The following KLF11 variants were observed in gnomAD, a reference collection of about 807,000 sequenced individuals.
KLF11 encodes Krueppel-like factor 11.
A neutral mutation model predicts 29.9 loss-of-function variants in KLF11; 26 were observed. The ratio of observed to expected loss-of-function variants is 0.87; its 90% CI spans 0.64 to 1.21. KLF11 has a LOEUF of 1.21. Among genes scored for constraint, KLF11 ranks in the 50% most tolerant of loss-of-function variants. KLF11 has a pLI of 0.00. For missense variants in KLF11, 778 were observed against 665.7 expected (o/e 1.17, Z -1.86); for synonymous variants, 318 against 257.4 (o/e 1.24, Z -2.25).
Position 10,043,661 on chromosome 2 carries a change from G to C in KLF11, c.-56G>C, listed in dbSNP as rs933520224. Reference sequence around the variant, plus strand: ...CGCCCGCAGCCCACGTGCGGCCGCTGCTGCGCCCGAGCTCACGCCCCGCGG... The same window carrying C: ...CGCCCGCAGCCCACGTGCGGCCGCTCCTGCGCCCGAGCTCACGCCCCGCGG... On this transcript the variant is annotated 5_prime_UTR_variant, in exon 1 of 4. Coordinates refer to ENST00000305883, the MANE Select transcript of KLF11 (RefSeq NM_003597.5). 13 of 1,223,564 alleles carry C rather than the reference G, an allele frequency of 1.1e-5. No homozygotes were observed. Among genetic ancestry groups the C allele is most frequent in the Non-Finnish European group, 1.4e-5 (13 of 959,634 alleles). 75.8% of individuals were successfully genotyped at this position (1,223,564 alleles called of 1,614,324 possible).
rs1252221830 is a variant in KLF11 at position 10,043,707 on chromosome 2, G to T, written c.-10G>T. On this transcript the variant is annotated 5_prime_UTR_variant, in exon 1 of 4. Transcript: ENST00000305883. ...CGCGGCCGCTTTGTTGCTCCCGGCC[G>T]GCCTGCACGATGCACACGCCGGACT... 7 of 1,340,936 alleles carry T rather than the reference G, an allele frequency of 5.2e-6. No homozygotes were observed. In the African/African-American group the frequency reaches 1.1e-4, roughly 21 times the overall value. The allele number at this position is 1,340,936 out of a possible 1,614,324, so 83.1% of individuals were successfully genotyped here. A position where few individuals can be genotyped will look rare whatever the true frequency, so the allele number is the denominator to read the frequency against.
At chr2:10,044,997 TC>T (rs1661144801) in intron 1 of KLF11, among the ~76,000 whole-genome samples, 1 of 152,028 alleles carries the variant, frequency 6.6e-6, no homozygotes, top group South Asian at 2.1e-4. Flanking sequence ...AATACAAAAA[TC>T]AGCTGAGCAT....
In KLF11 at chr2:10,053,429, T is replaced by G; in HGVS notation, c.*922T>G. On this transcript the variant is annotated 3_prime_UTR_variant, in exon 4 of 4. Coordinates refer to ENST00000305883, the MANE Select transcript of KLF11 (RefSeq NM_003597.5). ...AGTTCTGACTCCTTTTGCTGTGGCC[T>G]TATCCGTACTATATTGTGGGTAGAG... 2.5e-6 allele frequency: 1 copy of G among 398,668 alleles called. No homozygotes were observed. Among genetic ancestry groups the G allele is most frequent in the Non-Finnish European group, 4.4e-6 (1 of 226,080 alleles). The allele number at this position is 398,668 out of a possible 1,614,324, so 24.7% of individuals were successfully genotyped here.
At chr2:10,050,892 C>CTTTGTTTTTTTTT (rs1661382517) in intron 3 of KLF11, among the ~76,000 whole-genome samples, 1 of 54,824 alleles carries the variant, frequency 1.8e-5, no homozygotes, top group Non-Finnish European at 3.1e-5. Context: ...TAGATGCTAC[C>CTTTGTTTTTTTTT]TTTTTTTTTT....
intron 3 of KLF11, among the ~76,000 whole-genome samples, chr2:10,049,576 C>T (rs765622296): frequency 6.6e-6 from 1 of 152,196 alleles, no homozygotes; most frequent in Non-Finnish European, 1.5e-5. Context: ...AAACAGTCTC[C>T]CCAACATTCT....
Position 10,047,747 on chromosome 2 carries a change from A to C in KLF11, c.410A>C (p.Asp137Ala), listed in dbSNP as rs145933214. ...VTDSKACTAT[D>A]VLQSSAVVAR... ...GATTCCAAAGCATGTACAGCCACGGATGTTCTCCAGTCCTCTGCCGTAGTG... is the reference window on the plus strand; with the variant it reads ...GATTCCAAAGCATGTACAGCCACGGCTGTTCTCCAGTCCTCTGCCGTAGTG... The change falls in exon 3 of 4, where the codon GAT becomes GCT. Residue 137 changes from aspartate (D) to alanine (A), a missense_variant. Physicochemically the swap from Asp to Ala is moderately radical, Grantham distance 126. Transcript: ENST00000305883. 2 of 1,613,602 alleles carry C rather than the reference A, an allele frequency of 1.2e-6. No homozygotes were observed.
At position 10,052,734 on chromosome 2, in the gene KLF11, T is replaced by TA. The variant is rs1661446862; in HGVS notation, c.*230dup. On this transcript the variant is annotated 3_prime_UTR_variant, in exon 4 of 4. Transcript: ENST00000305883. ...AGTTTTTTTGTTTTGGTTTTTTTTT[T>TA]AAAGAAATGGTAGAAAATTTGATAA... 1 of 501,770 alleles carries TA rather than the reference T, an allele frequency of 2.0e-6. No homozygotes were observed. Among genetic ancestry groups the TA allele is most frequent in the East Asian group, 3.1e-5 (1 of 32,192 alleles). The allele number at this position is 501,770 out of a possible 1,614,324, so 31.1% of individuals were successfully genotyped here.
intron 1 of KLF11, chr2:10,044,565 C>T (rs1235503289): frequency 1.3e-5 from 5 of 393,854 alleles, no homozygotes; most frequent in Non-Finnish European, 1.4e-5. Context: ...CTCGGGGAAC[C>T]TCGGCAGACG....
rs765154301 is a variant in KLF11, at chr2:10,048,171, C to G, written c.834C>G (p.Val278=). 8 of 1,614,082 alleles carry G rather than the reference C, an allele frequency of 5.0e-6. No individual in the cohort carries two copies. The highest frequency in any genetic ancestry group is 1.3e-5 in the African/African-American group (1 of 74,934). The part of the protein sequence containing the change: ...LPRKTTPLIS[V]SVPAPPVLCQ... Reference sequence around the variant, plus strand: ...GGAAAACCACCCCTCTGATTTCTGTCTCTGTCCCTGCTCCCCCTGTCCTTT... The same window carrying G: ...GGAAAACCACCCCTCTGATTTCTGTGTCTGTCCCTGCTCCCCCTGTCCTTT... Residue 278 remains valine (V), a synonymous_variant, in exon 3 of 4, where the codon GTC becomes GTG. Transcript: ENST00000305883.
chr2:10,054,332 C>G lies in KLF11; in HGVS notation c.*1825C>G, dbSNP rs1275322240. ...TATGACATGCAAAGTAATGTGAGTC[C>G]TGCCAGTATTCTGGTGGATAAGGTC... On this transcript the variant is annotated 3_prime_UTR_variant, in exon 4 of 4. Transcript: ENST00000305883. The G allele has an allele frequency of 6.6e-6, 1 of 152,192 alleles. No individual in the cohort carries two copies. Among genetic ancestry groups the G allele is most frequent in the African/African-American group, 2.4e-5 (1 of 41,428 alleles). 9.4% of individuals were successfully genotyped at this position (152,192 alleles called of 1,614,324 possible). A position where few individuals can be genotyped will look rare whatever the true frequency, so the allele number is the denominator to read the frequency against.
chr2:10,053,043 T>G lies in KLF11; in HGVS notation c.*536T>G. On this transcript the variant is annotated 3_prime_UTR_variant, in exon 4 of 4. Transcript: ENST00000305883. ...TACAAAAACCACAAGTTATCTGGCC[T>G]TTTAGATCTTTTTGGAATCGGACCT... is the stretch of plus-strand genomic sequence containing the variant. 2.6e-6 allele frequency: 1 copy of G among 391,208 alleles called. No individual in the cohort carries two copies. Among genetic ancestry groups the G allele is most frequent in the Non-Finnish European group, 4.5e-6 (1 of 222,148 alleles). 24.2% of individuals were successfully genotyped at this position (391,208 alleles called of 1,614,324 possible). A position where few individuals can be genotyped will look rare whatever the true frequency, so the allele number is the denominator to read the frequency against.
In KLF11 at chr2:10,054,534, A is replaced by G. The variant is rs1330516202; in HGVS notation, c.*2027A>G. ...TGTCTGTTGAAAGATTTTAAGTTGG[A>G]AACAGTTCCTGTCTGAAAACTCTTC... is the stretch of plus-strand genomic sequence containing the variant. On this transcript the variant is annotated 3_prime_UTR_variant, in exon 4 of 4. Transcript: ENST00000305883. 6.5e-6 allele frequency: 1 copy of G among 152,680 alleles called. No individual in the cohort carries two copies. Among genetic ancestry groups the G allele is most frequent in the Non-Finnish European group, 1.5e-5 (1 of 68,052 alleles). 9.5% of individuals were successfully genotyped at this position (152,680 alleles called of 1,614,324 possible).
At chr2:10,043,981 C>T (rs1661083052) in intron 1 of KLF11, 1 of 869,666 alleles carries the variant, frequency 1.1e-6, no homozygotes, top group Non-Finnish European at 1.4e-6. Context: ...GTGTTCCCCG[C>T]GCAGCTTTGT....
Position 10,047,733 on chromosome 2 carries a change from A to G in KLF11, c.396A>G (p.Ala132=). The G allele has an allele frequency of 6.2e-7, 1 of 1,613,680 alleles. No homozygotes were observed. The highest frequency in any genetic ancestry group is 2.2e-5 in the East Asian group (1 of 44,882). Residue 132 remains alanine, a synonymous_variant, in exon 3 of 4, where the codon GCA becomes GCG. Transcript: ENST00000305883. Reference sequence around the variant, plus strand: ...CTCCCCAAGTAACAGATTCCAAAGCATGTACAGCCACGGATGTTCTCCAGT... The same window carrying G: ...CTCCCCAAGTAACAGATTCCAAAGCGTGTACAGCCACGGATGTTCTCCAGT... The part of the protein sequence containing the change: ...PVSPQVTDSK[A]CTATDVLQSS...
intron 1 of KLF11, among the ~76,000 whole-genome samples, chr2:10,045,293 C>T (rs777986485): frequency 5.9e-5 from 9 of 151,586 alleles, no homozygotes; most frequent in African/African-American, 2.2e-4. Flanking sequence ...GGCGTGGTGG[C>T]GGACGCCTCC....
rs762810864 is a variant in KLF11, at chr2:10,047,942, AAGG to A, written c.608_610del (p.Gly203del). The A allele has an allele frequency of 8.7e-6, 14 of 1,613,882 alleles. No individual in the cohort carries two copies. The highest frequency in any genetic ancestry group is 6.7e-5 in the East Asian group (3 of 44,884). On this transcript the variant is annotated inframe_deletion, in exon 3 of 4. Transcript: ENST00000305883. ...GATTGCCGGCTTTCTGACAGCAGAGAAGGAGAAGAGCAGCTTCTGGGACACTTT... is the reference window on the plus strand; with the variant it reads ...GATTGCCGGCTTTCTGACAGCAGAGAAGAAGAGCAGCTTCTGGGACACTTT...
chr2:10,052,688 A>G lies in KLF11; in HGVS notation c.*181A>G, dbSNP rs1169368555. On this transcript the variant is annotated 3_prime_UTR_variant, in exon 4 of 4. Coordinates refer to ENST00000305883, the MANE Select transcript of KLF11 (RefSeq NM_003597.5). The stretch of plus-strand genomic sequence containing the variant: ...TTCTTTTCCACTTGGGACCCTGTTC[A>G]GTATCTTTTGTAGTTTCAGAAGTTT... 3.4e-6 allele frequency: 2 copies of G among 592,464 alleles called. No homozygotes were observed. The highest frequency in any genetic ancestry group is 5.8e-6 in the Non-Finnish European group (2 of 344,000). 36.7% of individuals were successfully genotyped at this position (592,464 alleles called of 1,614,324 possible).
intron 3 of KLF11, among the ~76,000 whole-genome samples, chr2:10,049,473 G>A (rs1298654026): frequency 6.6e-6 from 1 of 152,204 alleles, no homozygotes; most frequent in Admixed American, 6.5e-5. Flanking sequence ...GACATTATAA[G>A]AGGAACTCTA....
In KLF11 at chr2:10,046,302, C is replaced by T; in HGVS notation, c.195C>T (p.Asp65=). The part of the protein sequence containing the change: ...SSWGQRSQKG[D]LLRIRPLTPV... ...GGGGTCAAAGATCCCAGAAAGGTGA[C>T]CTGTTGCGGATAAGACCCCTCACGC... is the stretch of plus-strand genomic sequence containing the variant. Residue 65 remains aspartate, a synonymous_variant, in exon 2 of 4, where the codon GAC becomes GAT. Coordinates refer to ENST00000305883, the MANE Select transcript of KLF11 (RefSeq NM_003597.5). 6.2e-7 allele frequency: 1 copy of T among 1,614,168 alleles called. No homozygotes were observed. Among genetic ancestry groups the T allele is most frequent in the Non-Finnish European group, 8.5e-7 (1 of 1,180,040 alleles).
Sources: gnomAD v4.1 joint callset for allele counts (sites outside exome capture counted in the v4.1 genomes callset) on GRCh38, gnomAD v4.1.1 for gene constraint, MANE v1.5 for transcripts, NCBI Gene and HGNC (gene_info 2026-07-23, HGNC 2026-07-21) for gene names.